Variants in GPM6A observed in about 807,000 individuals in gnomAD.
GPM6A encodes glycoprotein M6A, also known as neuronal membrane glycoprotein M6-a.
In GPM6A, 7 loss-of-function variants were observed where a neutral mutation model predicts 32.1. The ratio of observed to expected loss-of-function variants is 0.22; its 90% CI spans 0.12 to 0.41. GPM6A has a LOEUF of 0.41. GPM6A is among the 10% of genes least tolerant of loss of function. GPM6A has a pLI of 1.00. For synonymous variants in GPM6A, 130 were observed against 123.4 expected, an observed-to-expected ratio of 1.05 and a Z score of -0.35; for missense variants, 235 against 347.2, an observed-to-expected ratio of 0.68 and a Z score of 2.57.
At chr4:175,654,788 G>A (rs545012520) in intron 3 of GPM6A, among the ~76,000 whole-genome samples, 1 of 152,068 alleles carries the variant, frequency 6.6e-6, no homozygotes, top group South Asian at 2.1e-4. Flanking sequence ...AGATCTCAAG[G>A]CTAATGTATA....
intron 3 of GPM6A, among the ~76,000 whole-genome samples, chr4:175,663,903 A>G (rs1579357156): frequency 6.6e-6 from 1 of 152,064 alleles, no homozygotes; most frequent in Non-Finnish European, 1.5e-5. Context: ...TGTGTTAGCC[A>G]AGATGGTCTC....
intron 1 of GPM6A, among the ~76,000 whole-genome samples, chr4:175,847,210 A>G (rs1736117787): frequency 6.6e-6 from 1 of 152,192 alleles, no homozygotes; most frequent in Admixed American, 6.6e-5. Context: ...CAGTCTAGAA[A>G]CAAAGTTTCT....
At chr4:175,935,922 T>C (rs948730399) in intron 1 of GPM6A, among the ~76,000 whole-genome samples, 1 of 152,072 alleles carries the variant, frequency 6.6e-6, no homozygotes, top group Non-Finnish European at 1.5e-5. Flanking sequence ...ACAGCAATTG[T>C]TTGAGTTTTA....
chr4:175,950,236 T>G (rs1432278962), intron 1 of GPM6A, among the ~76,000 whole-genome samples: 1 of 152,182 alleles, frequency 6.6e-6, no homozygotes, highest in Non-Finnish European at 1.5e-5. Context: ...TAGAAAAGAA[T>G]AAATAAAACT....
intron 1 of GPM6A, among the ~76,000 whole-genome samples, chr4:175,807,856 T>C (rs1403911181): frequency 1.3e-5 from 2 of 152,204 alleles, no homozygotes; most frequent in African/African-American, 4.8e-5. Flanking sequence ...GAACCTGGAC[T>C]CATTCTGATT....
At chr4:176,001,468 C>CT (rs1271936360) in intron 1 of GPM6A, among the ~76,000 whole-genome samples, 11 of 152,338 alleles carry the variant, frequency 7.2e-5, no homozygotes, top group Non-Finnish European at 1.3e-4. Flanking sequence ...ACCCTGCGTC[C>CT]TAGTGCTGGG....
chr4:175,673,752 G>A lies in GPM6A; in HGVS notation c.315C>T (p.Phe105=). 1.2e-6 allele frequency: 2 copies of A among 1,613,032 alleles called. No homozygotes were observed. Among genetic ancestry groups the A allele is most frequent in the Non-Finnish European group, 8.5e-7 (1 of 1,179,194 alleles). The change falls in exon 3 of 7, where the codon TTC becomes TTT. Residue 105 remains phenylalanine (F), a synonymous_variant. Transcript: ENST00000393658. ...YGILLMVEGF[F]TTGAIKDLYG... is the part of the protein sequence containing the mutation. ...AGAGATCTTTGATGGCCCCAGTTGT[G>A]AAGAAACCTTCCACCATCAGCAAAA...
chr4:175,905,921 G>C (rs1340613928), intron 1 of GPM6A, among the ~76,000 whole-genome samples: 3 of 152,118 alleles, frequency 2.0e-5, no homozygotes, highest in Non-Finnish European at 4.4e-5. Context: ...TTCTCAATTA[G>C]ATTGAAACAG....
intron 1 of GPM6A, among the ~76,000 whole-genome samples, chr4:175,780,130 C>A (rs1236304417): frequency 4.0e-5 from 6 of 151,858 alleles, no homozygotes; most frequent in African/African-American, 1.4e-4. Context: ...TCACTGCAAC[C>A]TCCGCCTCCC....
chr4:175,740,048 C>T (rs77667160), intron 1 of GPM6A, among the ~76,000 whole-genome samples: 5,058 of 151,990 alleles, frequency 0.033, 123 homozygotes, highest in South Asian at 0.086. Flanking sequence ...AATATTGTCT[C>T]TAAGACTATT....
intron 2 of GPM6A, among the ~76,000 whole-genome samples, chr4:175,693,363 A>G (rs1744404849): frequency 6.6e-6 from 1 of 150,502 alleles, no homozygotes. Context: ...TATAATAAAT[A>G]CAAATATTTT....
At chr4:175,804,250 G>A (rs1228850929) in intron 1 of GPM6A, among the ~76,000 whole-genome samples, 2 of 152,146 alleles carry the variant, frequency 1.3e-5, no homozygotes, top group Non-Finnish European at 2.9e-5. Context: ...CCACTCAAAT[G>A]TACAGTCTGT....
At chr4:175,935,609 A>G (rs1739191300) in intron 1 of GPM6A, among the ~76,000 whole-genome samples, 1 of 152,180 alleles carries the variant, frequency 6.6e-6, no homozygotes, top group Admixed American at 6.5e-5. Flanking sequence ...TATATTCCTT[A>G]TGAAGAAAAA....
At chr4:175,882,473 G>A (rs1737310564) in intron 1 of GPM6A, among the ~76,000 whole-genome samples, 3 of 151,916 alleles carry the variant, frequency 2.0e-5, no homozygotes, top group African/African-American at 7.2e-5. Flanking sequence ...TACTATTTCA[G>A]ATTTTTCACA....
At chr4:175,825,023 G>C (rs907096033) in intron 1 of GPM6A, among the ~76,000 whole-genome samples, 1 of 152,064 alleles carries the variant, frequency 6.6e-6, no homozygotes, top group Non-Finnish European at 1.5e-5. Context: ...AAGTCTTAAC[G>C]CTTGTAGCTA....
rs566642323 is a variant in GPM6A, at chr4:175,784,627, A to T, written c.37+27564T>A. On this transcript the variant is annotated intron_variant, in intron 1 of 6. Coordinates refer to ENST00000393658, the MANE Select transcript of GPM6A (RefSeq NM_201591.3). ...CATCTCATGAGTAAATAAAATAATGAATGTGAATTATAATGAACTCGTCAA... is the reference window on the plus strand; with the variant it reads ...CATCTCATGAGTAAATAAAATAATGTATGTGAATTATAATGAACTCGTCAA... Among the ~76,000 whole-genome samples the T allele has an allele frequency of 3.4e-4, 52 of 152,304 alleles. 2 individuals are homozygous for T. The South Asian group carries it at 0.011, about 32-fold the overall frequency.
At chr4:175,995,550 G>A (rs927523817) in intron 1 of GPM6A, among the ~76,000 whole-genome samples, 36 of 152,022 alleles carry the variant, frequency 2.4e-4, no homozygotes, top group African/African-American at 5.6e-4. Context: ...AGTTTTTCTC[G>A]TTGCATGCCC....
rs1745697438 is a variant in GPM6A at position 175,714,009 on chromosome 4, A to AT, written c.38-12243_38-12242insA. 1.6e-4 allele frequency among the ~76,000 whole-genome samples: 25 copies of AT among 152,152 alleles called. No homozygotes were observed. In the South Asian group the frequency reaches 4.8e-3, roughly 29 times the overall value. On this transcript the variant is annotated intron_variant, in intron 1 of 6. Coordinates refer to ENST00000393658, the MANE Select transcript of GPM6A (RefSeq NM_201591.3). ...AACTTCTGCTATCATATTTGTATTT[A>AT]ATAATATCTTTTAATTTTTTTGGTA...
At chr4:175,881,870 T>TACATTAGATATATA (rs1167655925) in intron 1 of GPM6A, among the ~76,000 whole-genome samples, 2 of 151,886 alleles carry the variant, frequency 1.3e-5, no homozygotes, top group Non-Finnish European at 2.9e-5. Flanking sequence ...GGGATAGCAT[T>TACATTAGATATATA]AAGAGATATA....
Sources: gnomAD v4.1 joint callset for allele counts (sites outside exome capture counted in the v4.1 genomes callset) on GRCh38, gnomAD v4.1.1 for gene constraint, MANE v1.5 for transcripts, NCBI Gene and HGNC (gene_info 2026-07-23, HGNC 2026-07-21) for gene names.